The following DOCK3 variants were observed in gnomAD, a reference collection of about 807,000 sequenced individuals.
DOCK3 encodes dedicator of cytokinesis protein 3.
DOCK3 carries 60 observed loss-of-function variants against 265.6 expected under a neutral mutation model. That is an observed-to-expected ratio of 0.23 (90% CI 0.18 to 0.28). The LOEUF (loss-of-function observed/expected upper bound fraction) is 0.28. DOCK3 is among the 10% of genes least tolerant of loss of function. DOCK3 has a pLI of 1.00. For missense variants in DOCK3, 1,981 were observed against 2,594.3 expected, an observed-to-expected ratio of 0.76 and a Z score of 5.14; for synonymous variants, 881 against 938.0, an observed-to-expected ratio of 0.94 and a Z score of 1.11.
intron 1 of DOCK3, among the ~76,000 whole-genome samples, chr3:50,698,546 A>G (rs367798136): frequency 0.023 from 237 of 10,476 alleles, 4 homozygotes; most frequent in African/African-American, 0.05. Context: ...TTTTTTTGCT[A>G]TATACCCAGG....
intron 1 of DOCK3, among the ~76,000 whole-genome samples, chr3:50,713,402 G>C (rs1419668013): frequency 6.6e-6 from 1 of 152,160 alleles, no homozygotes; most frequent in Non-Finnish European, 1.5e-5. Flanking sequence ...TTAATCTGTA[G>C]TATGGATAAT....
chr3:51,212,701 A>G (rs1481284493), intron 13 of DOCK3, among the ~76,000 whole-genome samples: 2 of 152,188 alleles, frequency 1.3e-5, no homozygotes, highest in Non-Finnish European at 2.9e-5. Context: ...TCATAAACTA[A>G]TTGCGGTTTA....
chr3:51,056,368 C>T (rs751229865), intron 5 of DOCK3, among the ~76,000 whole-genome samples: 3 of 152,226 alleles, frequency 2.0e-5, no homozygotes, highest in Non-Finnish European at 2.9e-5. Context: ...CCTGCCTCTG[C>T]CTCCCGAGTA....
chr3:51,096,128 C>G (rs1354640199), intron 9 of DOCK3, among the ~76,000 whole-genome samples: 1 of 152,094 alleles, frequency 6.6e-6, no homozygotes, highest in Admixed American at 6.5e-5. Context: ...TTGCTCTTCT[C>G]AAGGAGTATC....
intron 5 of DOCK3, among the ~76,000 whole-genome samples, chr3:50,937,196 G>A (rs2108203401): frequency 6.7e-6 from 1 of 148,630 alleles, no homozygotes; most frequent in East Asian, 2.0e-4. Context: ...AGTATCACTT[G>A]AACCTGGGAG....
chr3:51,155,081 G>A (rs527955591), intron 10 of DOCK3, among the ~76,000 whole-genome samples: 1 of 152,138 alleles, frequency 6.6e-6, no homozygotes, highest in Non-Finnish European at 1.5e-5. Flanking sequence ...TGGGCTCTAA[G>A]CAATCCTCCT....
intron 51 of DOCK3, among the ~76,000 whole-genome samples, chr3:51,378,907 C>T (rs540885635): frequency 7.2e-5 from 11 of 152,302 alleles, no homozygotes; most frequent in South Asian, 4.1e-4. Context: ...GTTCTGTAGA[C>T]GCCAAAGGGT....
chr3:51,194,969 C>CA (rs1000283444), intron 12 of DOCK3, among the ~76,000 whole-genome samples: 3 of 151,616 alleles, frequency 2.0e-5, no homozygotes, highest in Non-Finnish European at 4.4e-5. Flanking sequence ...GGACTACAGG[C>CA]ATGTGCCACC....
At chr3:51,288,636 C>T (rs2081552967) in intron 27 of DOCK3, among the ~76,000 whole-genome samples, 2 of 152,126 alleles carry the variant, frequency 1.3e-5, no homozygotes, top group South Asian at 4.2e-4. Flanking sequence ...TTTTAAATAC[C>T]TTTTACTCAG....
At chr3:51,311,768 C>G (rs2083077281) in intron 28 of DOCK3, among the ~76,000 whole-genome samples, 1 of 152,192 alleles carries the variant, frequency 6.6e-6, no homozygotes, top group Admixed American at 6.5e-5. Flanking sequence ...AGGTCTAGAA[C>G]CCACTGATGT....
At chr3:51,249,118 C>T (rs376947789) in intron 22 of DOCK3, among the ~76,000 whole-genome samples, 9,110 of 148,676 alleles carry the variant, frequency 0.061, 266 homozygotes, top group East Asian at 0.26. Flanking sequence ...GTCAGCCCCC[C>T]GCCAGGCCAG....
chr3:50,809,782 C>T (rs1290238703), intron 2 of DOCK3, among the ~76,000 whole-genome samples: 2 of 152,098 alleles, frequency 1.3e-5, no homozygotes, highest in East Asian at 3.9e-4. Flanking sequence ...AAAAAGAAGC[C>T]AGATATGAGA....
chr3:51,073,818 C>A (rs1234272219), intron 6 of DOCK3, among the ~76,000 whole-genome samples: 3 of 151,914 alleles, frequency 2.0e-5, no homozygotes, highest in Admixed American at 6.6e-5. Flanking sequence ...AATTTTAATT[C>A]TTAATCCTAG....
intron 32 of DOCK3, among the ~76,000 whole-genome samples, chr3:51,321,446 C>A (rs1403623633): frequency 1.3e-5 from 2 of 152,164 alleles, no homozygotes; most frequent in African/African-American, 4.8e-5. Context: ...AACTCCTAGC[C>A]AGCAAGGGAA....
intron 5 of DOCK3, among the ~76,000 whole-genome samples, chr3:50,988,441 G>C (rs573213758): frequency 1.3e-5 from 2 of 152,266 alleles, no homozygotes; most frequent in South Asian, 2.1e-4. Flanking sequence ...CTTGCTGTTT[G>C]GGCTACTTAG....
intron 3 of DOCK3, among the ~76,000 whole-genome samples, chr3:50,882,098 CTT>C (rs2048071439): frequency 6.6e-6 from 1 of 152,110 alleles, no homozygotes; most frequent in Admixed American, 6.6e-5. Context: ...TTCCTTACAC[CTT>C]TTACAAGAAT....
At position 51,073,089 on chromosome 3, in the gene DOCK3, T is replaced by C. The variant is rs1454037092; in HGVS notation, c.465-2267T>C. 2.0e-5 allele frequency among the ~76,000 whole-genome samples: 3 copies of C among 152,134 alleles called. No individual in the cohort carries two copies. The East Asian group carries it at 5.8e-4, about 29-fold the overall frequency. ...TCCTAATTGTAGGCTAGTTCACATA[T>C]ATTTATAGATCTCAAATGATTAAAG... On this transcript the variant is annotated intron_variant, in intron 6 of 52. Coordinates refer to ENST00000266037, the MANE Select transcript of DOCK3 (RefSeq NM_004947.5).
chr3:51,245,152 A>T (rs986880098), intron 21 of DOCK3, among the ~76,000 whole-genome samples: 1 of 152,024 alleles, frequency 6.6e-6, no homozygotes, highest in Admixed American at 6.5e-5. Context: ...AACATGGTGA[A>T]ATCCCATCTC....
chr3:50,901,565 C>T (rs1010644166), intron 4 of DOCK3: 3 of 450,346 alleles, frequency 6.7e-6, no homozygotes, highest in South Asian at 4.7e-5. Context: ...AAATGGTCAC[C>T]TAGTTTTGTG....
Sources: gnomAD v4.1 joint callset for allele counts (sites outside exome capture counted in the v4.1 genomes callset) on GRCh38, gnomAD v4.1.1 for gene constraint, MANE v1.5 for transcripts, NCBI Gene and HGNC (gene_info 2026-07-23, HGNC 2026-07-21) for gene names.